The following PLA2G5 variants were observed in gnomAD, a reference collection of about 807,000 sequenced individuals.
PLA2G5 encodes the protein phospholipase A2 group V.
Under a neutral mutation model 15.9 loss-of-function variants are expected in PLA2G5, and 12 were observed. The ratio of observed to expected loss-of-function variants is 0.76; its 90% CI spans 0.48 to 1.23. The LOEUF is 1.23. Among genes scored for constraint, PLA2G5 ranks in the 50% most tolerant of loss-of-function variants. The probability of loss-of-function intolerance (pLI) is 0.00; values close to 1 mark genes in which losing one functional copy is unlikely to be tolerated. For missense variants in PLA2G5, 169 were observed against 177.1 expected (o/e 0.95, Z 0.26); for synonymous variants, 71 against 71.4 (o/e 0.99, Z 0.03).
intron 1 of PLA2G5, among the ~76,000 whole-genome samples, chr1:20,040,945 G>T (rs951150604): frequency 6.6e-6 from 1 of 152,198 alleles, no homozygotes; most frequent in African/African-American, 2.4e-5. Flanking sequence ...GACCGAGCCA[G>T]TGTTCATCTT....
chr1:20,039,177 C>G (rs2013448583), intron 1 of PLA2G5, among the ~76,000 whole-genome samples: 2 of 152,166 alleles, frequency 1.3e-5, no homozygotes, highest in African/African-American at 4.8e-5. Flanking sequence ...GACCGGAGGC[C>G]TGAATTGTAG....
intron 1 of PLA2G5, among the ~76,000 whole-genome samples, chr1:20,031,014 C>G (rs1301761456): frequency 6.6e-6 from 1 of 152,158 alleles, no homozygotes; most frequent in Non-Finnish European, 1.5e-5. Context: ...CTTTCCCTGA[C>G]AGTTGTTAGT....
intron 1 of PLA2G5, among the ~76,000 whole-genome samples, chr1:20,051,348 A>T (rs542984891): frequency 2.0e-5 from 3 of 152,368 alleles, no homozygotes; most frequent in Admixed American, 2.0e-4. Context: ...GGAGAACTGA[A>T]ATGTTCATGA....
chr1:20,082,621 G>T (rs2016092252), intron 1 of PLA2G5, among the ~76,000 whole-genome samples: 1 of 151,892 alleles, frequency 6.6e-6, no homozygotes, highest in Admixed American at 6.6e-5. Flanking sequence ...CCCATCACCT[G>T]ATGGTTGCCT....
At chr1:20,066,383 A>G (rs142838250), upstream of PLA2G5, among the ~76,000 whole-genome samples, 18 of 152,344 alleles carry the variant, frequency 1.2e-4, no homozygotes, top group East Asian at 3.5e-3. Flanking sequence ...TATTGTTCAC[A>G]AAGCAGGAGT....
chr1:20,063,476 C>T (rs1481913172), intron 2 of PLA2G5: 2 of 152,170 alleles, frequency 1.3e-5, no homozygotes, highest in African/African-American at 4.8e-5. Context: ...TGTTTCTGAC[C>T]TGCCCAGGAG....
intron 1 of PLA2G5, among the ~76,000 whole-genome samples, chr1:20,052,008 C>A (rs1466814852): frequency 1.3e-5 from 2 of 151,928 alleles, no homozygotes; most frequent in African/African-American, 4.8e-5. Flanking sequence ...AATTTAAAAG[C>A]CTATGTAAAA....
At chr1:20,052,094 T>C (rs897143271) in intron 1 of PLA2G5, among the ~76,000 whole-genome samples, 1 of 151,158 alleles carries the variant, frequency 6.6e-6, no homozygotes, top group South Asian at 2.1e-4. Flanking sequence ...CCTACCATGA[T>C]TTTTCTTTAT....
rs535675076 is a variant in PLA2G5, at chr1:20,035,049, G to T, written n.276+6340G>T. On this transcript the variant is annotated intron_variant and non_coding_transcript_variant, in intron 1 of 6. Transcript: ENST00000460175. ...TTTTCTGCTTGCTGCTTTCCAGATT[G>T]TAAGAGAAGACTTACCCATTTAGAA... Among the ~76,000 whole-genome samples the T allele has an allele frequency of 1.0e-3, 158 of 152,238 alleles. 2 individuals are homozygous for T. Among genetic ancestry groups the T allele is most frequent in the South Asian group, 6.0e-3 (29 of 4,822 alleles).
chr1:20,085,296 G>A (rs1203386880), intron 2 of PLA2G5, among the ~76,000 whole-genome samples: 2 of 151,998 alleles, frequency 1.3e-5, no homozygotes, highest in Non-Finnish European at 2.9e-5. Context: ...TTGTCCAGCT[G>A]GGAAGTGACT....
chr1:20,041,315 A>G (rs1198615118), intron 1 of PLA2G5, among the ~76,000 whole-genome samples: 1 of 152,222 alleles, frequency 6.6e-6, no homozygotes, highest in African/African-American at 2.4e-5. Flanking sequence ...ACCACCAAAC[A>G]GACTTTGTGT....
intron 1 of PLA2G5, among the ~76,000 whole-genome samples, chr1:20,041,800 G>T (rs565437241): frequency 6.6e-6 from 1 of 152,268 alleles, no homozygotes; most frequent in Non-Finnish European, 1.5e-5. Context: ...TTTCAGTGGG[G>T]GAGTAGGTGG....
At chr1:20,038,815 A>G (rs2013426065) in intron 1 of PLA2G5, among the ~76,000 whole-genome samples, 1 of 152,200 alleles carries the variant, frequency 6.6e-6, no homozygotes, top group Non-Finnish European at 1.5e-5. Context: ...ATAGTGGGCA[A>G]CTAAGTGGCC....
chr1:20,070,478 T>A lies in PLA2G5; in HGVS notation c.-11+13T>A. 1 of 981,388 alleles carries A rather than the reference T, an allele frequency of 1.0e-6. No individual in the cohort carries two copies. 60.8% of individuals were successfully genotyped at this position (981,388 alleles called of 1,614,324 possible). A position where few individuals can be genotyped will look rare whatever the true frequency, so the allele number is the denominator to read the frequency against. On this transcript the variant is annotated intron_variant, in intron 1 of 4. Coordinates refer to ENST00000375108, the MANE Select transcript of PLA2G5 (RefSeq NM_000929.3). Reference sequence around the variant, plus strand: ...CCAGGCCAAAGAGGTTAGTTACTGATGGGGGCTGCATAAATTGGGGGTTGT... The same window carrying A: ...CCAGGCCAAAGAGGTTAGTTACTGAAGGGGGCTGCATAAATTGGGGGTTGT...
At chr1:20,069,396 G>T (rs2015220387), upstream of PLA2G5, among the ~76,000 whole-genome samples, 1 of 152,162 alleles carries the variant, frequency 6.6e-6, no homozygotes, top group Admixed American at 6.5e-5. Context: ...ATTAAGTCTG[G>T]CCGTGGTGGC....
chr1:20,064,443 T>C (rs896782973), intron 2 of PLA2G5, among the ~76,000 whole-genome samples: 1 of 151,750 alleles, frequency 6.6e-6, no homozygotes, highest in African/African-American at 2.4e-5. Context: ...GGCATGGTGG[T>C]GCATACCTGT....
intron 1 of PLA2G5, among the ~76,000 whole-genome samples, chr1:20,052,772 G>T (rs1457912837): frequency 1.3e-5 from 2 of 152,108 alleles, no homozygotes; most frequent in Non-Finnish European, 2.9e-5. Context: ...AAGCTAAAGG[G>T]AAAAGTCAAG....
intron 1 of PLA2G5, among the ~76,000 whole-genome samples, chr1:20,084,405 A>G (rs1344350081): frequency 3.9e-5 from 6 of 152,218 alleles, no homozygotes; most frequent in African/African-American, 4.8e-5. Context: ...CTCTCTGTCC[A>G]GGAATTTTTT....
rs1265956515 is a variant in PLA2G5 at position 20,086,069 on chromosome 1, G to A, written c.41-14G>A. On this transcript the variant is annotated splice_polypyrimidine_tract_variant and intron_variant, in intron 2 of 4. Coordinates refer to ENST00000375108, the MANE Select transcript of PLA2G5 (RefSeq NM_000929.3). Reference sequence around the variant, plus strand: ...CTGCCTGGGTGTCACCTGGGGACATGGGCTATCTTCCAGGTGTGCCTGCTG... The same window carrying A: ...CTGCCTGGGTGTCACCTGGGGACATAGGCTATCTTCCAGGTGTGCCTGCTG... 2.5e-6 allele frequency: 4 copies of A among 1,613,728 alleles called. No individual in the cohort carries two copies. The African/African-American group carries it at 4.0e-5, about 16-fold the overall frequency.
Sources: allele counts gnomAD v4.1 joint callset (sites outside exome capture counted in the v4.1 genomes callset), GRCh38; gene constraint gnomAD v4.1.1; transcripts MANE v1.5; gene names NCBI Gene and HGNC (gene_info 2026-07-23, HGNC 2026-07-21).